Variants in LRP1B observed in about 807,000 individuals in gnomAD.
LRP1B encodes the protein LDL receptor related protein 1B.
LRP1B carries 217 observed loss-of-function variants against 556.6 expected under a neutral mutation model. The ratio of observed to expected loss-of-function variants is 0.39; its 90% CI spans 0.35 to 0.44. The LOEUF is 0.44. LRP1B is among the 20% of genes least tolerant of loss of function. The pLI is 1.00. For missense variants in LRP1B, 5,053 were observed against 5,620.8 expected, an observed-to-expected ratio of 0.90 and a Z score of 3.23; for synonymous variants, 2,047 against 1,865.8, an observed-to-expected ratio of 1.10 and a Z score of -2.50.
At chr2:140,528,202 G>GT (rs1316363460) in intron 47 of LRP1B, among the ~76,000 whole-genome samples, 1 of 151,888 alleles carries the variant, frequency 6.6e-6, no homozygotes, top group Non-Finnish European at 1.5e-5. Context: ...ACGTAATAGC[G>GT]TTTTAAAAAC....
At chr2:141,127,194 A>G (rs1458452144) in intron 7 of LRP1B, among the ~76,000 whole-genome samples, 1 of 152,182 alleles carries the variant, frequency 6.6e-6, no homozygotes, top group Non-Finnish European at 1.5e-5. Flanking sequence ...ATGAGATACC[A>G]TCTTACACCA....
intron 2 of LRP1B, among the ~76,000 whole-genome samples, chr2:141,766,286 A>G (rs1694730025): frequency 6.6e-6 from 1 of 152,206 alleles, no homozygotes; most frequent in African/African-American, 2.4e-5. Flanking sequence ...ACAAATTTCA[A>G]TGGATAGGAT....
intron 3 of LRP1B, among the ~76,000 whole-genome samples, chr2:141,413,868 GGAGA>G (rs139239783): frequency 1.3e-3 from 191 of 148,196 alleles, no homozygotes; most frequent in African/African-American, 2.6e-3. Flanking sequence ...GACACAGTGA[GGAGA>G]GAGAGAGAGA....
intron 2 of LRP1B, among the ~76,000 whole-genome samples, chr2:141,522,127 T>C (rs954535093): frequency 2.0e-5 from 3 of 152,092 alleles, no homozygotes; most frequent in African/African-American, 7.2e-5. Context: ...CCTAGGAACT[T>C]GCTAGAAATG....
At chr2:141,332,448 G>GAA (rs59675152) in intron 3 of LRP1B, among the ~76,000 whole-genome samples, 4,331 of 138,934 alleles carry the variant, frequency 0.031, 93 homozygotes, top group Non-Finnish European at 0.049. Context: ...ATATCTAACT[G>GAA]AAAAAAAAAA....
chr2:141,386,826 A>G (rs983309904), intron 3 of LRP1B, among the ~76,000 whole-genome samples: 38 of 152,162 alleles, frequency 2.5e-4, no homozygotes, highest in African/African-American at 8.9e-4. Flanking sequence ...ACAGGAGATC[A>G]ATAAGAAAAT....
chr2:140,653,099 A>C (rs944573993), intron 41 of LRP1B, among the ~76,000 whole-genome samples: 1 of 152,166 alleles, frequency 6.6e-6, no homozygotes, highest in East Asian at 1.9e-4. Context: ...GGATGTAGGA[A>C]ACATTTAACA....
chr2:141,401,012 A>G (rs1018018604), intron 3 of LRP1B, among the ~76,000 whole-genome samples: 2 of 152,136 alleles, frequency 1.3e-5, no homozygotes, highest in African/African-American at 4.8e-5. Context: ...ATCTTATTTC[A>G]ATTTAGACAA....
intron 31 of LRP1B, among the ~76,000 whole-genome samples, chr2:140,821,430 G>T (rs977951738): frequency 2.6e-5 from 4 of 152,058 alleles, no homozygotes; most frequent in African/African-American, 9.7e-5. Flanking sequence ...AGTCTTAAAT[G>T]GAATGTGCTT....
At chr2:141,762,131 G>A (rs1472255622) in intron 2 of LRP1B, among the ~76,000 whole-genome samples, 1 of 151,592 alleles carries the variant, frequency 6.6e-6, no homozygotes, top group Non-Finnish European at 1.5e-5. Flanking sequence ...CACTGATTGG[G>A]TGAAGCTGAC....
intron 2 of LRP1B, among the ~76,000 whole-genome samples, chr2:141,669,399 C>T (rs1180828847): frequency 6.6e-6 from 1 of 152,036 alleles, no homozygotes; most frequent in Non-Finnish European, 1.5e-5. Context: ...AAATAAATTT[C>T]TATTGTTTAA....
chr2:141,300,107 C>A (rs1203989573), intron 3 of LRP1B, among the ~76,000 whole-genome samples: 2 of 152,138 alleles, frequency 1.3e-5, no homozygotes, highest in African/African-American at 4.8e-5. Context: ...AGTCTACAGT[C>A]CAGAAGGGGC....
At chr2:140,890,122 C>A (rs1573848068) in intron 23 of LRP1B, among the ~76,000 whole-genome samples, 1 of 151,620 alleles carries the variant, frequency 6.6e-6, no homozygotes, top group East Asian at 1.9e-4. Context: ...AACCCTAGTT[C>A]CAGATGGGTA....
At chr2:140,581,057 G>A (rs1681742392) in intron 43 of LRP1B, among the ~76,000 whole-genome samples, 1 of 152,312 alleles carries the variant, frequency 6.6e-6, no homozygotes, top group Non-Finnish European at 1.5e-5. Flanking sequence ...CAGTATATCA[G>A]CAGGGTGAGT....
At chr2:140,803,569 A>C (rs1690601374) in intron 32 of LRP1B, among the ~76,000 whole-genome samples, 1 of 151,986 alleles carries the variant, frequency 6.6e-6, no homozygotes, top group African/African-American at 2.4e-5. Flanking sequence ...AAGTGCTGGG[A>C]TTACAGGCAT....
At chr2:141,163,924 G>T (rs1276748198) in intron 7 of LRP1B, among the ~76,000 whole-genome samples, 1 of 151,856 alleles carries the variant, frequency 6.6e-6, no homozygotes, top group Non-Finnish European at 1.5e-5. Context: ...TTAAATATTT[G>T]GATATATTCT....
At position 140,495,641 on chromosome 2, in the gene LRP1B, G is replaced by A. The variant is rs187196772; in HGVS notation, c.8958C>T (p.Tyr2986=). Reference sequence around the variant, plus strand: ...CTGTACAGAGGCACTTGTAAGTCCCGTATGTATTGATGCATTGCTGGCTAC... The same window carrying A: ...CTGTACAGAGGCACTTGTAAGTCCCATATGTATTGATGCATTGCTGGCTAC... The part of the protein sequence containing the change: ...FPCSQQCINT[Y]GTYKCLCTDG... The change falls in exon 56 of 91, where the codon TAC becomes TAT. Residue 2986 remains tyrosine (Y), a synonymous_variant. Coordinates refer to ENST00000389484, the MANE Select transcript of LRP1B (RefSeq NM_018557.3). 5.8e-5 allele frequency: 93 copies of A among 1,613,926 alleles called. No individual in the cohort carries two copies. Among genetic ancestry groups the A allele is most frequent in the Non-Finnish European group, 7.0e-5 (83 of 1,179,838 alleles).
intron 66 of LRP1B, among the ~76,000 whole-genome samples, chr2:140,415,898 T>C (rs1685177673): frequency 6.6e-6 from 1 of 152,160 alleles, no homozygotes; most frequent in Admixed American, 6.5e-5. Context: ...CAAATGCAAG[T>C]TTGGCTAGTG....
rs1553562512 is a variant in LRP1B at position 140,932,916 on chromosome 2, CAT to C, written c.3137-9771_3137-9770del. On this transcript the variant is annotated intron_variant, in intron 20 of 90. Transcript: ENST00000389484. ...ACACACACACACACACACACACACA[CAT>C]ATATATGTGTATATATATACACATA... Among the ~76,000 whole-genome samples, 148 of 147,614 alleles carry C rather than the reference CAT, an allele frequency of 1.0e-3. 1 individual carries two copies. Among genetic ancestry groups the C allele is most frequent in the African/African-American group, 3.6e-3 (142 of 39,578 alleles).
Sources: gnomAD v4.1 joint callset for allele counts (sites outside exome capture counted in the v4.1 genomes callset) on GRCh38, gnomAD v4.1.1 for gene constraint, MANE v1.5 for transcripts, NCBI Gene and HGNC (gene_info 2026-07-23, HGNC 2026-07-21) for gene names.